TRIM62: variants seen among roughly 807,000 people sequenced by gnomAD.
The protein encoded by TRIM62 is tripartite motif containing 62, also known as E3 ubiquitin-protein ligase TRIM62.
TRIM62 carries 39 observed loss-of-function variants against 44.2 expected under a neutral mutation model. The ratio of observed to expected loss-of-function variants is 0.88; its 90% CI spans 0.68 to 1.15. The LOEUF (loss-of-function observed/expected upper bound fraction) is 1.15. TRIM62 is among the 50% of genes most tolerant of loss of function. The probability of loss-of-function intolerance (pLI) is 0.00; values close to 1 mark genes in which losing one functional copy is unlikely to be tolerated. For synonymous variants in TRIM62, 278 were observed against 292.3 expected, an observed-to-expected ratio of 0.95 and a Z score of 0.50; for missense variants, 544 against 665.5, an observed-to-expected ratio of 0.82 and a Z score of 2.01.
chr1:33,158,902 G>A (rs972679131), intron 3 of TRIM62, among the ~76,000 whole-genome samples: 2 of 151,432 alleles, frequency 1.3e-5, no homozygotes, highest in Non-Finnish European at 2.9e-5. Context: ...GTGCAATGGC[G>A]CGATCTCAGC....
intron 4 of TRIM62, among the ~76,000 whole-genome samples, chr1:33,151,439 C>T (rs891842237): frequency 3.9e-5 from 6 of 152,118 alleles, no homozygotes; most frequent in Non-Finnish European, 7.4e-5. Flanking sequence ...AACACAGGGT[C>T]TTGGCTCCTG....
intron 1 of TRIM62, among the ~76,000 whole-genome samples, chr1:33,168,520 G>A (rs1287402092): frequency 6.6e-6 from 1 of 152,304 alleles, no homozygotes; most frequent in Admixed American, 6.5e-5. Context: ...CAGCTCTCAG[G>A]AGCCAGTGCA....
Position 33,165,522 on chromosome 1 carries a change from C to A in TRIM62, c.453G>T (p.Arg151=), listed in dbSNP as rs895008631. Residue 151 remains arginine (R), a synonymous_variant, in exon 2 of 5, where the codon CGG becomes CGT. Transcript: ENST00000291416. This position sits in a 1 kb window ranked among gnomAD's most constrained non-coding sequence, Gnocchi z 4.0. ...GCAGCTGCAGCGCTTCGGTGTGTTC[C>A]CGCTCGCTGTCTTGAAGGGCCTGAA... The part of the protein sequence containing the change: ...DQLQALQDSE[R]EHTEALQLLK... The A allele has an allele frequency of 1.2e-6, 2 of 1,610,872 alleles. No homozygotes were observed. Among genetic ancestry groups the A allele is most frequent in the African/African-American group, 2.7e-5 (2 of 74,860 alleles).
intron 4 of TRIM62, among the ~76,000 whole-genome samples, chr1:33,156,368 A>G (rs1645179113): frequency 6.6e-6 from 1 of 152,162 alleles, no homozygotes; most frequent in Non-Finnish European, 1.5e-5. Flanking sequence ...GCTCTCATCA[A>G]GGCCACCAAT....
chr1:33,180,354 CTTG>C (rs1350765124), intron 1 of TRIM62, among the ~76,000 whole-genome samples: 1 of 152,114 alleles, frequency 6.6e-6, no homozygotes, highest in African/African-American at 2.4e-5. Flanking sequence ...TAAATCTAAA[CTTG>C]TTGTAGAGTA....
intron 4 of TRIM62, among the ~76,000 whole-genome samples, chr1:33,149,652 G>A (rs1248612938): frequency 1.3e-5 from 2 of 151,756 alleles, no homozygotes; most frequent in African/African-American, 4.8e-5. Flanking sequence ...ATGAGGTTTC[G>A]CAATGTTGGC....
intron 4 of TRIM62, 99 bp downstream of exon 4, chr1:33,158,154 C>T (rs1645207300): frequency 2.8e-6 from 3 of 1,089,884 alleles, no homozygotes; most frequent in African/African-American, 3.1e-5. Context: ...GCACTCTGCT[C>T]ATTCACCCCA....
chr1:33,174,967 A>G (rs1217819502), intron 1 of TRIM62, among the ~76,000 whole-genome samples: 6 of 135,894 alleles, frequency 4.4e-5, no homozygotes, highest in African/African-American at 2.1e-4. Flanking sequence ...ATATATATAT[A>G]TACACACATA....
At position 33,147,405 on chromosome 1, in the gene TRIM62, G is replaced by C; in HGVS notation, c.1200C>G (p.Cys400Trp). The C allele has an allele frequency of 6.2e-7, 1 of 1,614,136 alleles. No individual in the cohort carries two copies. The change falls in exon 5 of 5, where the codon TGC (cysteine) becomes TGG (tryptophan). Residue 400 changes from cysteine to tryptophan, a missense_variant. Transcript: ENST00000291416. The surrounding 1 kb of genome is among the most constrained non-coding windows in gnomAD (Gnocchi z 8.1). ...CGTTAAGCCGCGTCCAGGGCTCCGT[G>C]CAGGCGCTGTACTGGTTGCCATCGT... ...VMHDGNQYSA[C>W]TEPWTRLNVR...
chr1:33,154,366 G>A (rs1406246420), intron 4 of TRIM62, among the ~76,000 whole-genome samples: 1 of 152,216 alleles, frequency 6.6e-6, no homozygotes, highest in East Asian at 1.9e-4. Flanking sequence ...GTCACAGCTC[G>A]GAGAGGCAGT....
Position 33,161,959 on chromosome 1 carries a change from T to G in TRIM62, c.505-2015A>C, listed in dbSNP as rs1645274561. 6.6e-6 allele frequency among the ~76,000 whole-genome samples: 1 copy of G among 152,262 alleles called. No individual in the cohort carries two copies. The highest frequency in any genetic ancestry group is 1.9e-4 in the East Asian group (1 of 5,184). On this transcript the variant is annotated intron_variant, in intron 2 of 4. Coordinates refer to ENST00000291416, the MANE Select transcript of TRIM62 (RefSeq NM_018207.3). The surrounding 1 kb of genome is among the most constrained non-coding windows in gnomAD (Gnocchi z 4.3). ...CCCCCATTTTCAACTTGAACTGCTTTAAGGATGGTTCCCAAGTCCATATAG... is the reference window on the plus strand; with the variant it reads ...CCCCCATTTTCAACTTGAACTGCTTGAAGGATGGTTCCCAAGTCCATATAG...
At position 33,181,205 on chromosome 1, in the gene TRIM62, G is replaced by A; in HGVS notation, c.228C>T (p.Ser76=). Residue 76 remains serine, a synonymous_variant, in exon 1 of 5, where the codon AGC becomes AGT. Coordinates refer to ENST00000291416, the MANE Select transcript of TRIM62 (RefSeq NM_018207.3). This position sits in a 1 kb window ranked among gnomAD's most constrained non-coding sequence, Gnocchi z 6.5. ...TGAGGATGGCGTCCAGCGGGAAGGA[G>A]CTGTAGCGCTCCACGATGTTGGCCA... ...LKLANIVERY[S]SFPLDAILNA... is the part of the protein sequence containing the mutation. The A allele has an allele frequency of 6.3e-7, 1 of 1,583,876 alleles. No homozygotes were observed. The highest frequency in any genetic ancestry group is 8.5e-7 in the Non-Finnish European group (1 of 1,170,630).
chr1:33,176,549 G>T (rs1645421276), intron 1 of TRIM62: 1 of 624,592 alleles, frequency 1.6e-6, no homozygotes, highest in Admixed American at 2.2e-5. Flanking sequence ...AGGAACCTGA[G>T]ACGGCCAGAG....
intron 4 of TRIM62, among the ~76,000 whole-genome samples, chr1:33,148,585 G>A (rs991245355): frequency 5.3e-5 from 8 of 152,104 alleles, no homozygotes; most frequent in African/African-American, 1.9e-4. Flanking sequence ...GTGATTGTGG[G>A]TGAGCATCTA....
rs1645033211 is a variant in TRIM62 at position 33,147,312 on chromosome 1, A to G, written c.1293T>C (p.Asn431=). ...DYDQGLLIFY[N]ADDMSWLYTF... Reference sequence around the variant, plus strand: ...TGTAGAGCCAGGACATGTCATCAGCATTGTAGAAGATGAGCAAGCCTTGGT... The same window carrying G: ...TGTAGAGCCAGGACATGTCATCAGCGTTGTAGAAGATGAGCAAGCCTTGGT... Residue 431 remains asparagine (N), a synonymous_variant, in exon 5 of 5, where the codon AAT becomes AAC. Coordinates refer to ENST00000291416, the MANE Select transcript of TRIM62 (RefSeq NM_018207.3). This position sits in a 1 kb window ranked among gnomAD's most constrained non-coding sequence, Gnocchi z 8.1. The G allele has an allele frequency of 1.2e-6, 2 of 1,614,208 alleles. No individual in the cohort carries two copies. The highest frequency in any genetic ancestry group is 1.7e-6 in the Non-Finnish European group (2 of 1,180,030).
At chr1:33,176,524 C>A (rs1645420931) in intron 1 of TRIM62, 3 of 654,820 alleles carry the variant, frequency 4.6e-6, no homozygotes, top group East Asian at 5.5e-5. Flanking sequence ...GAATCGGATC[C>A]CCTCTCTGGG....
rs770036093 is a variant in TRIM62 at position 33,175,025 on chromosome 1, ATATGTT to A, written c.408+5994_408+5999del. On this transcript the variant is annotated intron_variant, in intron 1 of 4. Coordinates refer to ENST00000291416, the MANE Select transcript of TRIM62 (RefSeq NM_018207.3). The stretch of plus-strand genomic sequence containing the variant: ...TGTATGTATATGTATATGTATATGT[ATATGTT>A]TATGTATATGTATATGTATTTTTTT... Among the ~76,000 whole-genome samples the A allele has an allele frequency of 1.3e-3, 189 of 150,094 alleles. 1 individual carries two copies. Among genetic ancestry groups the A allele is most frequent in the African/African-American group, 3.2e-3 (128 of 40,528 alleles).
At chr1:33,170,927 T>C (rs11799834) in intron 1 of TRIM62, among the ~76,000 whole-genome samples, 2,867 of 152,300 alleles carry the variant, frequency 0.019, 102 homozygotes, top group African/African-American at 0.065. Context: ...TGGCACACCC[T>C]GGGTGCTCGG....
At position 33,146,852 on chromosome 1, in the gene TRIM62, A is replaced by ATCTGGATGCT; in HGVS notation, c.*324_*325insAGCATCCAGA. On this transcript the variant is annotated 3_prime_UTR_variant, in exon 5 of 5. Coordinates refer to ENST00000291416, the MANE Select transcript of TRIM62 (RefSeq NM_018207.3). ...CTTCCTGAGGTCAGGGCTGGGCTGG[A>ATCTGGATGCT]GGGAGACACTGGAAGGTAGTCCCCT... is the stretch of plus-strand genomic sequence containing the variant. 5.2e-6 allele frequency: 2 copies of ATCTGGATGCT among 382,008 alleles called. No individual in the cohort carries two copies. Among genetic ancestry groups the ATCTGGATGCT allele is most frequent in the South Asian group, 5.8e-5 (2 of 34,356 alleles). 23.7% of individuals were successfully genotyped at this position (382,008 alleles called of 1,614,324 possible). A position where few individuals can be genotyped will look rare whatever the true frequency, so the allele number is the denominator to read the frequency against.
Sources: allele counts gnomAD v4.1 joint callset (sites outside exome capture counted in the v4.1 genomes callset), GRCh38; gene constraint gnomAD v4.1.1; non-coding constraint Gnocchi (gnomAD v3.1); transcripts MANE v1.5; gene names NCBI Gene and HGNC (gene_info 2026-07-23, HGNC 2026-07-21).